MKLN1: variants seen among roughly 807,000 people sequenced by gnomAD.
The protein encoded by MKLN1 is muskelin 1.
A neutral mutation model predicts 99.0 loss-of-function variants in MKLN1; 18 were observed. The ratio of observed to expected loss-of-function variants is 0.18; its 90% confidence interval spans 0.13 to 0.27. The LOEUF (loss-of-function observed/expected upper bound fraction) is 0.27, where lower values mean the gene tolerates loss of function less well. Among genes scored for constraint, MKLN1 ranks in the 10% least tolerant of loss-of-function variants. The pLI is 1.00. For synonymous variants in MKLN1, 288 were observed against 293.2 expected, an observed-to-expected ratio of 0.98 and a Z score of 0.18; for missense variants, 621 against 875.9, an observed-to-expected ratio of 0.71 and a Z score of 3.67.
chr7:131,172,662 T>G (rs1049779321), intron 2 of MKLN1, among the ~76,000 whole-genome samples: 1 of 152,192 alleles, frequency 6.6e-6, no homozygotes, highest in South Asian at 2.1e-4. Context: ...CAAAGTTAGA[T>G]AATAGAAATT....
At chr7:131,418,671 C>T (rs1336081489) in intron 8 of MKLN1, among the ~76,000 whole-genome samples, 3 of 152,236 alleles carry the variant, frequency 2.0e-5, no homozygotes, top group Non-Finnish European at 4.4e-5. Context: ...CATTTCATGA[C>T]ATGACTCTGT....
chr7:131,369,947 C>T (rs924266333), intron 1 of MKLN1, among the ~76,000 whole-genome samples: 3 of 152,154 alleles, frequency 2.0e-5, no homozygotes, highest in Admixed American at 2.0e-4. Flanking sequence ...AGCAATTCTC[C>T]TGCCTCAGCC....
At chr7:131,374,634 A>G (rs1300103671) in intron 1 of MKLN1, among the ~76,000 whole-genome samples, 1 of 152,170 alleles carries the variant, frequency 6.6e-6, no homozygotes, top group Non-Finnish European at 1.5e-5. Flanking sequence ...GTGTTTATGT[A>G]TATAGCTCTG....
chr7:131,265,037 C>T (rs1797787556), intron 3 of MKLN1, among the ~76,000 whole-genome samples: 1 of 152,156 alleles, frequency 6.6e-6, no homozygotes, highest in Non-Finnish European at 1.5e-5. Context: ...GACGGGGTTT[C>T]ACCATGTGGC....
At chr7:131,365,985 C>T (rs1052612333) in intron 1 of MKLN1, among the ~76,000 whole-genome samples, 4 of 152,104 alleles carry the variant, frequency 2.6e-5, no homozygotes, top group African/African-American at 4.8e-5. Flanking sequence ...CATGATACTT[C>T]GAATGAAGGG....
At chr7:131,170,781 T>C (rs1012117946) in intron 2 of MKLN1, among the ~76,000 whole-genome samples, 4 of 152,218 alleles carry the variant, frequency 2.6e-5, no homozygotes, top group Admixed American at 6.5e-5. Flanking sequence ...TTTATATTAA[T>C]AGAAATCCAC....
chr7:131,415,365 A>G (rs1794987266), intron 8 of MKLN1, among the ~76,000 whole-genome samples: 1 of 152,118 alleles, frequency 6.6e-6, no homozygotes, highest in African/African-American at 2.4e-5. Context: ...ATGAATGCTC[A>G]ATTATACTGT....
chr7:131,341,708 A>G lies in MKLN1; in HGVS notation c.98+13711A>G, dbSNP rs1799412806. ...ATTGTTCCATTTCAGATCATCAGGC[A>G]TTAGATTCTTATAAGGAACAAAACC... On this transcript the variant is annotated intron_variant, in intron 1 of 17. Coordinates refer to ENST00000352689, the MANE Select transcript of MKLN1 (RefSeq NM_013255.5). Among the ~76,000 whole-genome samples, 9 of 152,366 alleles carry G rather than the reference A, an allele frequency of 5.9e-5. No homozygotes were observed. In the South Asian group the frequency reaches 1.9e-3, roughly 32 times the overall value.
At chr7:131,171,677 C>T (rs1003843530) in intron 2 of MKLN1, among the ~76,000 whole-genome samples, 1 of 152,048 alleles carries the variant, frequency 6.6e-6, no homozygotes, top group Admixed American at 6.6e-5. Flanking sequence ...AGGCTGATCT[C>T]GAACTCCTGA....
At position 131,242,681 on chromosome 7, in the gene MKLN1, T is replaced by C. The variant is rs73491164; in HGVS notation, c.-179+39707T>C. 7.5e-3 allele frequency: 4,672 copies of C among 626,270 alleles called. 147 individuals are homozygous for C. In the African/African-American group the frequency reaches 0.077, roughly 10 times the overall value. 38.8% of individuals were successfully genotyped at this position (626,270 alleles called of 1,614,324 possible). On this transcript the variant is annotated intron_variant, in intron 3 of 7. Coordinates refer to the MKLN1 transcript ENST00000416992. ...AAGCCATCATCGTGAAGAACATTGA[T>C]GATGGTACCTTAGATCGCCCCTACA... is the stretch of plus-strand genomic sequence containing the variant.
intron 2 of MKLN1, among the ~76,000 whole-genome samples, chr7:131,162,739 C>T (rs746345833): frequency 3.4e-4 from 52 of 152,236 alleles, no homozygotes; most frequent in Non-Finnish European, 6.5e-4. Flanking sequence ...TCAACCTGTA[C>T]GTGTGAAATA....
intron 3 of MKLN1, among the ~76,000 whole-genome samples, chr7:131,205,947 G>T (rs534972668): frequency 6.7e-6 from 1 of 149,524 alleles, no homozygotes; most frequent in Admixed American, 6.7e-5. Flanking sequence ...AGGCTGGAGC[G>T]CAAAGGCATG....
At chr7:131,269,075 A>G (rs926007376) in intron 3 of MKLN1, among the ~76,000 whole-genome samples, 1 of 152,228 alleles carries the variant, frequency 6.6e-6, no homozygotes, top group Non-Finnish European at 1.5e-5. Flanking sequence ...TTCTCATCAG[A>G]TGGTTCTCAT....
chr7:131,134,681 A>G (rs1795621041), intron 1 of MKLN1, among the ~76,000 whole-genome samples: 1 of 152,052 alleles, frequency 6.6e-6, no homozygotes, highest in Non-Finnish European at 1.5e-5. Context: ...TGCTACTTTT[A>G]AATCCCCCTT....
chr7:131,119,507 A>C (rs1795328239), intron 1 of MKLN1, among the ~76,000 whole-genome samples: 1 of 152,198 alleles, frequency 6.6e-6, no homozygotes, highest in African/African-American at 2.4e-5. Flanking sequence ...TCAGTGCTCT[A>C]GTGGGGACTT....
At chr7:131,361,703 C>G (rs761845824) in intron 1 of MKLN1, among the ~76,000 whole-genome samples, 21 of 151,778 alleles carry the variant, frequency 1.4e-4, no homozygotes, top group Middle Eastern at 3.4e-3. Context: ...CTCCCAACAT[C>G]TGATCTTAAG....
chr7:131,423,076 T>C (rs1449261072), intron 8 of MKLN1, among the ~76,000 whole-genome samples: 4 of 152,220 alleles, frequency 2.6e-5, no homozygotes, highest in Non-Finnish European at 5.9e-5. Flanking sequence ...GTTAGAAATA[T>C]ATTAATAAAT....
intron 3 of MKLN1, among the ~76,000 whole-genome samples, chr7:131,283,336 T>G: frequency 3.2e-5 from 1 of 31,452 alleles, no homozygotes; most frequent in African/African-American, 1.5e-4. Flanking sequence ...CCTCCTTCCC[T>G]TCCCTTCCCC....
chr7:131,325,766 A>G (rs151160289), upstream of MKLN1, among the ~76,000 whole-genome samples: 27 of 152,144 alleles, frequency 1.8e-4, no homozygotes, highest in African/African-American at 6.5e-4. Context: ...GGAGTTAGCC[A>G]GGTAAAGAAT....
Sources: gnomAD v4.1 joint callset for allele counts (sites outside exome capture counted in the v4.1 genomes callset) on GRCh38, gnomAD v4.1.1 for gene constraint, MANE v1.5 for transcripts, NCBI Gene and HGNC (gene_info 2026-07-23, HGNC 2026-07-21) for gene names.